The following AGBL4 variants were observed in gnomAD, a reference collection of about 807,000 sequenced individuals.
The protein encoded by AGBL4 is cytosolic carboxypeptidase 6.
AGBL4 carries 58 observed loss-of-function variants against 66.4 expected under a neutral mutation model. The observed-to-expected ratio is 0.87, with a 90% CI of 0.71 to 1.09. AGBL4 has a LOEUF of 1.09. AGBL4 is among the 50% of genes least tolerant of loss of function. The pLI is 0.00. For synonymous variants in AGBL4, 234 were observed against 222.9 expected (o/e 1.05, Z -0.44); for missense variants, 579 against 631.0 (o/e 0.92, Z 0.88).
chr1:48,543,396 A>G (rs1644106665), intron 11 of AGBL4, among the ~76,000 whole-genome samples: 1 of 149,558 alleles, frequency 6.7e-6, no homozygotes, highest in Non-Finnish European at 1.5e-5. Flanking sequence ...CCATCCATCC[A>G]TCCATCCATC....
chr1:49,622,745 C>T (rs1239883440), intron 3 of AGBL4, among the ~76,000 whole-genome samples: 1 of 151,140 alleles, frequency 6.6e-6, no homozygotes, highest in African/African-American at 2.4e-5. Flanking sequence ...TAATGCCATT[C>T]ACATATAAAA....
intron 11 of AGBL4, among the ~76,000 whole-genome samples, chr1:48,562,351 T>C (rs902102554): frequency 1.2e-4 from 18 of 152,208 alleles, no homozygotes; most frequent in African/African-American, 4.3e-4. Flanking sequence ...TGCCTGTCCA[T>C]GGTTTTGTTC....
At chr1:49,991,935 T>C (rs1659975311) in intron 1 of AGBL4, among the ~76,000 whole-genome samples, 1 of 152,182 alleles carries the variant, frequency 6.6e-6, no homozygotes, top group Admixed American at 6.5e-5. Flanking sequence ...ATCTATAAAA[T>C]AGAAATTAAT....
At chr1:49,941,143 T>C (rs532021641) in intron 1 of AGBL4, among the ~76,000 whole-genome samples, 4 of 152,092 alleles carry the variant, frequency 2.6e-5, no homozygotes, top group Non-Finnish European at 2.9e-5. Context: ...TATGAAAAAA[T>C]AGAAAATCTG....
At chr1:48,666,468 C>A (rs1396811691) in intron 6 of AGBL4, among the ~76,000 whole-genome samples, 1 of 152,174 alleles carries the variant, frequency 6.6e-6, no homozygotes, top group African/African-American at 2.4e-5. Flanking sequence ...ACCTGGCTCC[C>A]CAGTTAAACA....
chr1:49,794,814 A>G lies in AGBL4; in HGVS notation c.157+56582T>C, dbSNP rs191885945. On this transcript the variant is annotated intron_variant, in intron 2 of 13. Coordinates refer to ENST00000371839, the MANE Select transcript of AGBL4 (RefSeq NM_032785.4). ...AGAATATTTATAAGAACTTCAATTC[A>G]GGATATTTTCAAATGTCCCAGGAGC... Among the ~76,000 whole-genome samples the G allele has an allele frequency of 4.6e-4, 70 of 152,152 alleles. 1 individual carries two copies. The highest frequency in any genetic ancestry group is 1.5e-3 in the African/African-American group (63 of 41,582).
chr1:48,580,389 T>C (rs1644721703), intron 11 of AGBL4, among the ~76,000 whole-genome samples: 1 of 152,184 alleles, frequency 6.6e-6, no homozygotes, highest in Non-Finnish European at 1.5e-5. Context: ...CAGCTACTGT[T>C]ACCCAGATTG....
At chr1:49,003,123 C>T in intron 5 of AGBL4, among the ~76,000 whole-genome samples, 1 of 152,160 alleles carries the variant, frequency 6.6e-6, no homozygotes, top group East Asian at 1.9e-4. Context: ...TGAGGCCAGG[C>T]ACGTTGGTGC....
chr1:48,755,961 C>A (rs1015032300), intron 6 of AGBL4, among the ~76,000 whole-genome samples: 5 of 152,166 alleles, frequency 3.3e-5, no homozygotes, highest in Admixed American at 3.3e-4. Context: ...GTTAGTTAAC[C>A]TGCCCAAGGT....
chr1:49,332,373 C>G (rs916295232), intron 3 of AGBL4, among the ~76,000 whole-genome samples: 2 of 152,068 alleles, frequency 1.3e-5, no homozygotes, highest in Non-Finnish European at 2.9e-5. Flanking sequence ...AAATAAAACA[C>G]CAGGCCAGAT....
intron 3 of AGBL4, among the ~76,000 whole-genome samples, chr1:49,350,586 T>A (rs1645733699): frequency 6.6e-6 from 1 of 152,212 alleles, no homozygotes; most frequent in Non-Finnish European, 1.5e-5. Context: ...TTGTTTTAAT[T>A]GTGGACAATT....
At chr1:49,374,502 A>G (rs1644431032) in intron 3 of AGBL4, among the ~76,000 whole-genome samples, 1 of 152,126 alleles carries the variant, frequency 6.6e-6, no homozygotes, top group African/African-American at 2.4e-5. Context: ...CCCTTTCCAA[A>G]GCCCCTCATT....
chr1:49,159,581 G>C (rs1557688944), intron 4 of AGBL4, among the ~76,000 whole-genome samples: 2 of 152,118 alleles, frequency 1.3e-5, no homozygotes, highest in Non-Finnish European at 2.9e-5. Context: ...GGTGTTCTCT[G>C]TATTTCCTGA....
chr1:49,937,977 G>C (rs1654282681), intron 1 of AGBL4, among the ~76,000 whole-genome samples: 1 of 151,826 alleles, frequency 6.6e-6, no homozygotes, highest in South Asian at 2.1e-4. Flanking sequence ...CCAGCAGAAG[G>C]CAAGAAATAA....
At chr1:49,298,503 A>G (rs753375610) in intron 3 of AGBL4, among the ~76,000 whole-genome samples, 1 of 152,218 alleles carries the variant, frequency 6.6e-6, no homozygotes, top group Non-Finnish European at 1.5e-5. Context: ...CAAGCTGGCC[A>G]GGCTCCAAGG....
At chr1:49,122,731 C>T (rs1645683006) in intron 4 of AGBL4, among the ~76,000 whole-genome samples, 1 of 152,092 alleles carries the variant, frequency 6.6e-6, no homozygotes, top group South Asian at 2.1e-4. Flanking sequence ...TTCAAATTGG[C>T]ACAATAATAA....
At chr1:48,982,876 T>G (rs903605146) in intron 5 of AGBL4, among the ~76,000 whole-genome samples, 1 of 152,174 alleles carries the variant, frequency 6.6e-6, no homozygotes, top group Non-Finnish European at 1.5e-5. Context: ...GTTTCCTGAC[T>G]TTTTAATGAT....
chr1:49,463,188 C>T (rs1040227235), intron 3 of AGBL4, among the ~76,000 whole-genome samples: 1 of 151,520 alleles, frequency 6.6e-6, no homozygotes, highest in Admixed American at 6.6e-5. Flanking sequence ...TTTGCTTGCC[C>T]ACGGTTGTAT....
At chr1:49,422,890 C>T (rs143501466) in intron 3 of AGBL4, among the ~76,000 whole-genome samples, 159 of 152,276 alleles carry the variant, frequency 1.0e-3, no homozygotes, top group African/African-American at 3.4e-3. Flanking sequence ...AGGGCAATAC[C>T]GTGTGCTCTC....
Sources: gnomAD v4.1 joint callset for allele counts (sites outside exome capture counted in the v4.1 genomes callset) on GRCh38, gnomAD v4.1.1 for gene constraint, MANE v1.5 for transcripts, NCBI Gene and HGNC (gene_info 2026-07-23, HGNC 2026-07-21) for gene names.